Variants in UPF2 observed in about 807,000 individuals in gnomAD.
UPF2 encodes regulator of nonsense transcripts 2.
A neutral mutation model predicts 141.4 loss-of-function variants in UPF2; 17 were observed. The ratio of observed to expected loss-of-function variants is 0.12; its 90% confidence interval spans 0.08 to 0.18. UPF2 has a LOEUF of 0.18. Among genes scored for constraint, UPF2 ranks in the 10% least tolerant of loss-of-function variants. The pLI, the probability that UPF2 is intolerant of heterozygous loss-of-function variation, is 1.00. For synonymous variants in UPF2, 540 were observed against 498.0 expected, an observed-to-expected ratio of 1.08 and a Z score of -1.12; for missense variants, 1,152 against 1,515.9, an observed-to-expected ratio of 0.76 and a Z score of 3.99.
At chr10:11,941,782 A>G (rs1832939651) in intron 18 of UPF2, among the ~76,000 whole-genome samples, 1 of 152,236 alleles carries the variant, frequency 6.6e-6, no homozygotes, top group Non-Finnish European at 1.5e-5. Context: ...AAGTACATAT[A>G]GGGCTGAAGT....
chr10:12,029,359 T>C lies in UPF2; in HGVS notation c.531A>G (p.Lys177=). 1.9e-6 allele frequency: 3 copies of C among 1,614,206 alleles called. No homozygotes were observed. Among genetic ancestry groups the C allele is most frequent in the Admixed American group, 1.7e-5 (1 of 60,026 alleles). Residue 177 remains lysine, a synonymous_variant, in exon 3 of 22, where the codon AAA becomes AAG. Coordinates refer to ENST00000357604, the MANE Select transcript of UPF2 (RefSeq NM_015542.4). ...TCTGTTGTTCTGTAATAGTTTTTAGTTTCTTGACAAAAGCAGTATTTTTCT... is the reference window on the plus strand; with the variant it reads ...TCTGTTGTTCTGTAATAGTTTTTAGCTTCTTGACAAAAGCAGTATTTTTCT... ...SLKKNTAFVK[K]LKTITEQQRD...
At chr10:11,989,632 G>GT (rs1360731652) in intron 8 of UPF2, among the ~76,000 whole-genome samples, 3 of 152,190 alleles carry the variant, frequency 2.0e-5, no homozygotes, top group African/African-American at 7.2e-5. Context: ...ATCCCTGTGA[G>GT]TATTTCCGTA....
chr10:11,988,441 A>C (rs1037115076), intron 8 of UPF2, among the ~76,000 whole-genome samples: 1 of 152,202 alleles, frequency 6.6e-6, no homozygotes, highest in Non-Finnish European at 1.5e-5. Flanking sequence ...CCTCCCAAGT[A>C]GATGGAACTA....
At chr10:11,946,147 G>A (rs1432922314) in intron 16 of UPF2, among the ~76,000 whole-genome samples, 1 of 152,056 alleles carries the variant, frequency 6.6e-6, no homozygotes, top group Non-Finnish European at 1.5e-5. Context: ...AGCCAATTAG[G>A]AAAACCATAC....
At chr10:11,963,850 A>G (rs1185727282) in intron 11 of UPF2, among the ~76,000 whole-genome samples, 159 bp downstream of exon 11, 1 of 152,198 alleles carries the variant, frequency 6.6e-6, no homozygotes, top group Non-Finnish European at 1.5e-5. Flanking sequence ...ACAGCTCTCC[A>G]GGGATTGCAA....
chr10:12,028,887 T>C lies in UPF2; in HGVS notation c.1003A>G (p.Asn335Asp), dbSNP rs750369692. The stretch of plus-strand genomic sequence containing the variant: ...ATCTCACTAGGAGGAAAACTCAAAT[T>C]AAACTTCTCTGCAGCACTCTTTACT... ...RKVKSAAEKF[N>D]LSFPPSEIIS... The change falls in exon 3 of 22, where the codon AAT becomes GAT. Residue 335 changes from asparagine to aspartate, a missense_variant. Coordinates refer to ENST00000357604, the MANE Select transcript of UPF2 (RefSeq NM_015542.4). 3.1e-6 allele frequency: 5 copies of C among 1,614,050 alleles called. No homozygotes were observed. The East Asian group carries it at 8.9e-5, about 29-fold the overall frequency.
rs541472085 is a variant in UPF2, at chr10:12,013,771, GT to G, written c.1306+252del. On this transcript the variant is annotated intron_variant, in intron 4 of 21. Transcript: ENST00000357604. ...AATACCATTTCTTTATTTAAGAAAA[GT>G]TTTTTTTAATAGAGATGGGGTCTCA... 7.9e-5 allele frequency among the ~76,000 whole-genome samples: 12 copies of G among 151,952 alleles called. No individual in the cohort carries two copies. In the East Asian group the frequency reaches 2.3e-3, roughly 29 times the overall value.
chr10:11,950,977 C>T lies in UPF2; in HGVS notation c.3034+1089G>A, dbSNP rs189668265. ...TTGCATAACTGGCGAAAGTAAAGAT[C>T]CCTTAATGACAGACATGAATGTACC... On this transcript the variant is annotated intron_variant, in intron 15 of 21. Transcript: ENST00000357604. 5.0e-3 allele frequency among the ~76,000 whole-genome samples: 755 copies of T among 152,278 alleles called. 6 individuals are homozygous for T. The highest frequency in any genetic ancestry group is 8.0e-3 in the Non-Finnish European group (545 of 68,016).
intron 1 of UPF2, among the ~76,000 whole-genome samples, chr10:12,037,088 TTA>T (rs1289784413): frequency 6.6e-6 from 1 of 152,210 alleles, no homozygotes; most frequent in Non-Finnish European, 1.5e-5. Context: ...TTTCTTAGTT[TTA>T]TGTTTTCTTT....
At chr10:12,001,850 C>A in intron 5 of UPF2, 25 bp from the exon 6 acceptor site, 1 of 1,551,402 alleles carries the variant, frequency 6.4e-7, no homozygotes, top group African/African-American at 1.4e-5. Flanking sequence ...ACAAGTATAC[C>A]TAAATTCAAA....
At chr10:12,009,732 T>C (rs368457896) in intron 4 of UPF2, among the ~76,000 whole-genome samples, 2 of 151,620 alleles carry the variant, frequency 1.3e-5, no homozygotes, top group African/African-American at 4.9e-5. Flanking sequence ...GGTCTGGTAA[T>C]ACTCTACCCA....
At chr10:12,030,283 G>A (rs1035180972) in intron 2 of UPF2, among the ~76,000 whole-genome samples, 1 of 152,070 alleles carries the variant, frequency 6.6e-6, no homozygotes. Context: ...CAGATGTGGT[G>A]GCTCCCAGCA....
At chr10:11,945,185 T>C (rs1020718308) in intron 16 of UPF2, among the ~76,000 whole-genome samples, 7 of 152,208 alleles carry the variant, frequency 4.6e-5, no homozygotes, top group Non-Finnish European at 1.0e-4. Flanking sequence ...ATCTTTAACT[T>C]ATAGAGCTGA....
chr10:11,934,548 C>T (rs907724735), intron 19 of UPF2, among the ~76,000 whole-genome samples: 3 of 152,102 alleles, frequency 2.0e-5, no homozygotes, highest in Non-Finnish European at 4.4e-5. Flanking sequence ...ATGAGTCATG[C>T]CGTGAAGTCT....
At chr10:11,964,353 A>T (rs531194319) in intron 10 of UPF2, among the ~76,000 whole-genome samples, 1 of 152,118 alleles carries the variant, frequency 6.6e-6, no homozygotes, top group African/African-American at 2.4e-5. Context: ...CGAATGTCAA[A>T]CCCCTTTCTA....
rs1282047546 is a variant in UPF2 at position 11,973,176 on chromosome 10, T to C, written c.1954-5722A>G. ...TTCATGTGTCTGTTGGCTGCATAAATGTCTTCTTTTGAGAAGTGTCTATTC... is the reference window on the plus strand; with the variant it reads ...TTCATGTGTCTGTTGGCTGCATAAACGTCTTCTTTTGAGAAGTGTCTATTC... On this transcript the variant is annotated intron_variant, in intron 9 of 21. Coordinates refer to ENST00000357604, the MANE Select transcript of UPF2 (RefSeq NM_015542.4). Among the ~76,000 whole-genome samples, 3 of 152,234 alleles carry C rather than the reference T, an allele frequency of 2.0e-5. No individual in the cohort carries two copies. In the South Asian group the frequency reaches 6.2e-4, roughly 31 times the overall value.
Position 11,924,572 on chromosome 10 carries a change from C to T in UPF2, c.3810-3265G>A, listed in dbSNP as rs995204166. ...CAGCCTGGGTAACAGAGCAACATGT[C>T]GTCTCAAAAAAAAAAATCTTTTTTT... On this transcript the variant is annotated intron_variant, in intron 21 of 21. Coordinates refer to ENST00000357604, the MANE Select transcript of UPF2 (RefSeq NM_015542.4). Among the ~76,000 whole-genome samples, 11 of 97,644 alleles carry T rather than the reference C, an allele frequency of 1.1e-4. No homozygotes were observed. The East Asian group carries it at 2.4e-3, about 21-fold the overall frequency. The allele number at this position is 97,644 out of a possible 152,430, so 64.1% of individuals were successfully genotyped here.
Position 11,955,477 on chromosome 10 carries a change from T to C in UPF2, c.2605A>G (p.Ile869Val). 18 of 1,613,196 alleles carry C rather than the reference T, an allele frequency of 1.1e-5. No individual in the cohort carries two copies. The highest frequency in any genetic ancestry group is 1.4e-5 in the Non-Finnish European group (17 of 1,179,700). The change falls in exon 14 of 22, where the codon ATC (isoleucine) becomes GTC (valine). Residue 869 changes from isoleucine (I) to valine (V), a missense_variant. Ile to Val is a conservative substitution (Grantham distance 29, BLOSUM62 3). This residue lies in a region of UPF2 where 739 missense variants were observed against 1,032.2 expected (regional missense o/e 0.72). Coordinates refer to ENST00000357604, the MANE Select transcript of UPF2 (RefSeq NM_015542.4). ...VNQPKFNQRR[I>V]SSAKFLGELY... ...TCTCCTAAGAACTTGGCACTGCTGA[T>C]GCGCCTCTGATTAAATTTAGGTTGA...
At chr10:12,001,018 T>G (rs1326188683) in intron 6 of UPF2, among the ~76,000 whole-genome samples, 1 of 152,216 alleles carries the variant, frequency 6.6e-6, no homozygotes, top group Non-Finnish European at 1.5e-5. Context: ...TTTGTAAAGA[T>G]TATGTCATAG....
Sources: gnomAD v4.1 joint callset for allele counts (sites outside exome capture counted in the v4.1 genomes callset) on GRCh38, gnomAD v4.1.1 for gene constraint, gnomAD v4.1.1 regional missense constraint, MANE v1.5 for transcripts, NCBI Gene and HGNC (gene_info 2026-07-23, HGNC 2026-07-21) for gene names.